SP140: variants seen among roughly 807,000 people sequenced by gnomAD.
The protein encoded by SP140 is nuclear body protein SP140.
Under a neutral mutation model 125.0 loss-of-function variants are expected in SP140, and 81 were observed. That is an observed-to-expected ratio of 0.65 (90% CI 0.54 to 0.78). The LOEUF (loss-of-function observed/expected upper bound fraction) is 0.78. Ranked by LOEUF, SP140 falls within the 30% of genes least tolerant of loss-of-function variation. The pLI, the probability that SP140 is intolerant of heterozygous loss-of-function variation, is 0.00. For synonymous variants in SP140, 312 were observed against 354.0 expected (o/e 0.88, Z 1.33); for missense variants, 858 against 1,037.0 (o/e 0.83, Z 2.37).
At chr2:230,214,251 C>T (rs2148935255) in intron 3 of SP140, 1 of 152,400 alleles carries the variant, frequency 6.6e-6, no homozygotes, top group East Asian at 1.9e-4. Flanking sequence ...CTTTCTCAGA[C>T]CCTCTCTTTC....
chr2:230,214,099 C>A (rs941043170), intron 3 of SP140: 1 of 152,100 alleles, frequency 6.6e-6, no homozygotes, highest in African/African-American at 2.4e-5. Flanking sequence ...GATTTGGCCA[C>A]AGTGTTTTAC....
chr2:230,305,464 G>A (rs1311765330), intron 22 of SP140, among the ~76,000 whole-genome samples: 5 of 152,248 alleles, frequency 3.3e-5, no homozygotes, highest in Admixed American at 1.3e-4. Flanking sequence ...TGAGGTGCAG[G>A]CGCTGGCCGT....
chr2:230,212,433 GA>G, intron 1 of SP140: 1 of 1,602,240 alleles, frequency 6.2e-7, no homozygotes, highest in Admixed American at 1.7e-5. Context: ...ATTGGTCACT[GA>G]AGGAGGAAAG....
intron 1 of SP140, among the ~76,000 whole-genome samples, chr2:230,226,960 T>C (rs2046519128): frequency 6.6e-6 from 1 of 152,144 alleles, no homozygotes; most frequent in African/African-American, 2.4e-5. Context: ...TTGTATTAGG[T>C]ATTATAAGTC....
At chr2:230,208,626 G>C (rs1290331334) in intron 1 of SP140, among the ~76,000 whole-genome samples, 1 of 151,966 alleles carries the variant, frequency 6.6e-6, no homozygotes, top group Non-Finnish European at 1.5e-5. Context: ...GAGGTGAGGG[G>C]GTCAGAGGTT....
chr2:230,273,802 A>G (rs2054299769), intron 15 of SP140, among the ~76,000 whole-genome samples: 1 of 152,208 alleles, frequency 6.6e-6, no homozygotes, highest in African/African-American at 2.4e-5. Flanking sequence ...TTGCAGGGAC[A>G]TGGATGGAGC....
At chr2:230,263,515 A>G (rs116832295) in intron 12 of SP140, among the ~76,000 whole-genome samples, 3 of 151,992 alleles carry the variant, frequency 2.0e-5, no homozygotes, top group African/African-American at 7.2e-5. Context: ...TTGCCTGTGT[A>G]CTTTTTGTTT....
chr2:230,269,787 G>A, intron 13 of SP140, 50 bp from the exon 14 acceptor site: 1 of 1,427,962 alleles, frequency 7.0e-7, no homozygotes. Context: ...GCAGAAAATA[G>A]AGTCACTGGG....
At position 230,312,968 on chromosome 2, in the gene SP140, G is replaced by T. The variant is rs1444707348; in HGVS notation, c.*284G>T. ...CAGGCTCTTACCTCTTCTCCTGAGG[G>T]CTGCTCCAGACAACATTTATTACCC... is the stretch of plus-strand genomic sequence containing the variant. On this transcript the variant is annotated 3_prime_UTR_variant, in exon 27 of 27. Coordinates refer to ENST00000392045, the MANE Select transcript of SP140 (RefSeq NM_007237.5). 3.2e-6 allele frequency: 1 copy of T among 315,126 alleles called. No individual in the cohort carries two copies. Among genetic ancestry groups the T allele is most frequent in the Non-Finnish European group, 5.9e-6 (1 of 169,152 alleles). The allele number at this position is 315,126 out of a possible 1,614,324, so 19.5% of individuals were successfully genotyped here.
At chr2:230,285,628 C>A in intron 16 of SP140, 124 bp from the exon 17 acceptor site, 1 of 757,076 alleles carries the variant, frequency 1.3e-6, no homozygotes, top group Non-Finnish European at 2.2e-6. Context: ...GCAAAAAATG[C>A]TCTGGACACC....
Position 230,243,813 on chromosome 2 carries a change from T to C in SP140, c.571+2T>C. On this transcript the variant is annotated splice_donor_variant, in intron 5 of 26. Transcript: ENST00000392045. LOFTEE classifies it high-confidence loss of function. ...GCTCCTCGCCAAGGTGTGAGCCAGG[T>C]AAGGAAGGAGTGACTTGCTCTCCCT... 6.2e-7 allele frequency: 1 copy of C among 1,608,462 alleles called. No individual in the cohort carries two copies.
At chr2:230,257,394 T>A (rs1467032000) in intron 12 of SP140, among the ~76,000 whole-genome samples, 1 of 151,582 alleles carries the variant, frequency 6.6e-6, no homozygotes, top group African/African-American at 2.4e-5. Context: ...GAGGAGATGT[T>A]AAGAAGAGAA....
At chr2:230,283,502 G>A (rs2055912311) in intron 15 of SP140, among the ~76,000 whole-genome samples, 1 of 152,310 alleles carries the variant, frequency 6.6e-6, no homozygotes, top group Admixed American at 6.5e-5. Flanking sequence ...ATCATCCCTA[G>A]GAATGACCAG....
intron 22 of SP140, among the ~76,000 whole-genome samples, chr2:230,297,980 G>A (rs1419618236): frequency 6.6e-6 from 1 of 152,228 alleles, no homozygotes; most frequent in African/African-American, 2.4e-5. Context: ...GCCCTGTAAA[G>A]GAGTACATAC....
intron 12 of SP140, among the ~76,000 whole-genome samples, chr2:230,256,195 A>G (rs1334633223): frequency 1.3e-5 from 2 of 152,086 alleles, no homozygotes; most frequent in Non-Finnish European, 2.9e-5. Context: ...AGGATTATAA[A>G]TCATGCTGCT....
intron 3 of SP140, chr2:230,216,868 C>T: frequency 6.2e-7 from 1 of 1,614,068 alleles, no homozygotes; most frequent in South Asian, 1.1e-5. Flanking sequence ...CGATCCCCAG[C>T]TTCTGGTGCA....
intron 15 of SP140, among the ~76,000 whole-genome samples, chr2:230,281,636 A>T (rs2055576771): frequency 6.6e-6 from 1 of 152,200 alleles, no homozygotes; most frequent in African/African-American, 2.4e-5. Flanking sequence ...CTTTTAAAAA[A>T]CTTTATATAA....
intron 3 of SP140, among the ~76,000 whole-genome samples, chr2:230,240,931 C>T (rs10198539): frequency 0.13 from 20,252 of 152,124 alleles, 1,505 homozygotes; most frequent in Middle Eastern, 0.22. Flanking sequence ...GGTAGATAAA[C>T]TATGACTAAT....
chr2:230,309,059 A>G (rs2059086670), intron 22 of SP140, among the ~76,000 whole-genome samples: 1 of 152,250 alleles, frequency 6.6e-6, no homozygotes. Context: ...TGCAAATACC[A>G]TCATATTTTA....
Sources: gnomAD v4.1 joint callset for allele counts (sites outside exome capture counted in the v4.1 genomes callset) on GRCh38, gnomAD v4.1.1 for gene constraint, MANE v1.5 for transcripts, NCBI Gene and HGNC (gene_info 2026-07-23, HGNC 2026-07-21) for gene names.